Variants in RBFOX1 observed in about 807,000 individuals in gnomAD.
The protein encoded by RBFOX1 is RNA binding protein fox-1 homolog 1.
A neutral mutation model predicts 57.7 loss-of-function variants in RBFOX1; 8 were observed. The observed-to-expected ratio is 0.14, with a 90% CI of 0.08 to 0.25. RBFOX1 has a LOEUF of 0.25. RBFOX1 is among the 10% of genes least tolerant of loss of function. The pLI, the probability that RBFOX1 is intolerant of heterozygous loss-of-function variation, is 1.00. For missense variants in RBFOX1, 611 were observed against 548.5 expected (o/e 1.11, Z -1.14); for synonymous variants, 326 against 222.4 (o/e 1.47, Z -4.15).
chr16:6,879,730 C>G (rs996486923), intron 3 of RBFOX1, among the ~76,000 whole-genome samples: 2 of 152,112 alleles, frequency 1.3e-5, no homozygotes, highest in Non-Finnish European at 2.9e-5. Context: ...TAAATTCTAC[C>G]TCTGGATCCT....
chr16:6,727,982 A>G (rs2067642169), intron 3 of RBFOX1, among the ~76,000 whole-genome samples: 1 of 152,170 alleles, frequency 6.6e-6, no homozygotes, highest in Non-Finnish European at 1.5e-5. Context: ...GTCTCTTTAA[A>G]TTCCCTATCT....
At chr16:5,476,767 C>G (rs192527288) in intron 2 of RBFOX1, among the ~76,000 whole-genome samples, 1 of 152,136 alleles carries the variant, frequency 6.6e-6, no homozygotes, top group African/African-American at 2.4e-5. Flanking sequence ...TTGTGCAGAC[C>G]CTGCCTTTAA....
chr16:7,140,239 A>AT (rs2073379741), intron 4 of RBFOX1, among the ~76,000 whole-genome samples: 1 of 135,552 alleles, frequency 7.4e-6, no homozygotes, highest in African/African-American at 2.8e-5. Context: ...ATGGACAAAT[A>AT]AATTTTGTCC....
At chr16:6,140,256 A>T (rs959777427) in intron 1 of RBFOX1, among the ~76,000 whole-genome samples, 3 of 151,366 alleles carry the variant, frequency 2.0e-5, no homozygotes, top group Non-Finnish European at 2.9e-5. Flanking sequence ...CAGTGACTCA[A>T]TCTTGGCTCA....
intron 4 of RBFOX1, among the ~76,000 whole-genome samples, chr16:7,080,864 A>T (rs187879270): frequency 6.6e-6 from 1 of 152,268 alleles, no homozygotes; most frequent in African/African-American, 2.4e-5. Context: ...CCTCAGGACC[A>T]AGGGAGCCTT....
At chr16:5,259,175 GT>G (rs2062665509) in intron 1 of RBFOX1, among the ~76,000 whole-genome samples, 1 of 149,744 alleles carries the variant, frequency 6.7e-6, no homozygotes, top group Non-Finnish European at 1.5e-5. Context: ...ATATTTATAG[GT>G]TTCTTTTAGT....
chr16:6,108,475 G>C (rs1475896204), intron 1 of RBFOX1, among the ~76,000 whole-genome samples: 5 of 152,104 alleles, frequency 3.3e-5, no homozygotes, highest in Non-Finnish European at 5.9e-5. Context: ...CAGGGTAGGT[G>C]GTGCTGTGCT....
At chr16:5,525,983 C>G (rs1455275181) in intron 2 of RBFOX1, among the ~76,000 whole-genome samples, 2 of 152,046 alleles carry the variant, frequency 1.3e-5, no homozygotes, top group African/African-American at 4.8e-5. Flanking sequence ...GAGAGGGGAG[C>G]TGGTATCAAG....
chr16:6,589,028 A>G (rs1449538045), intron 2 of RBFOX1, among the ~76,000 whole-genome samples: 1 of 152,088 alleles, frequency 6.6e-6, no homozygotes, highest in Non-Finnish European at 1.5e-5. Context: ...TCATTGAGGA[A>G]CCTTTTCAGA....
intron 4 of RBFOX1, among the ~76,000 whole-genome samples, chr16:7,470,166 G>C (rs2061306685): frequency 6.6e-6 from 1 of 152,070 alleles, no homozygotes; most frequent in Admixed American, 6.6e-5. Context: ...TTCTTAATCT[G>C]ACTGTATACC....
intron 2 of RBFOX1, among the ~76,000 whole-genome samples, chr16:6,457,916 G>A (rs1298726908): frequency 6.6e-6 from 1 of 152,062 alleles, no homozygotes; most frequent in East Asian, 1.9e-4. Context: ...GTGAGAAGAA[G>A]CCCAGTGTGC....
chr16:5,521,368 T>TG (rs1172599362), intron 2 of RBFOX1, among the ~76,000 whole-genome samples: 16 of 13,494 alleles, frequency 1.2e-3, no homozygotes, highest in South Asian at 2.8e-3. Flanking sequence ...TGGGGTGGGG[T>TG]GGGGGGGTGG....
chr16:7,297,500 C>G (rs1040167531), intron 4 of RBFOX1, among the ~76,000 whole-genome samples: 3 of 152,162 alleles, frequency 2.0e-5, no homozygotes, highest in Non-Finnish European at 2.9e-5. Context: ...TTACTGAAAT[C>G]CTGTATGGAT....
At chr16:7,623,269 G>C (rs575420792) in intron 10 of RBFOX1, among the ~76,000 whole-genome samples, 1 of 152,252 alleles carries the variant, frequency 6.6e-6, no homozygotes, top group Non-Finnish European at 1.5e-5. Context: ...AGCAGGGATG[G>C]TTTCAGGATG....
intron 4 of RBFOX1, among the ~76,000 whole-genome samples, chr16:7,429,644 C>T (rs898753229): frequency 6.6e-6 from 1 of 152,136 alleles, no homozygotes; most frequent in Non-Finnish European, 1.5e-5. Flanking sequence ...ATGGGAGGAA[C>T]TGATAAAAAC....
intron 2 of RBFOX1, among the ~76,000 whole-genome samples, chr16:6,586,583 C>G (rs944652081): frequency 2.6e-5 from 4 of 152,194 alleles, no homozygotes; most frequent in Non-Finnish European, 5.9e-5. Context: ...TCAAGATGAT[C>G]AGATGATGTT....
At chr16:7,270,896 A>G (rs930197648) in intron 4 of RBFOX1, among the ~76,000 whole-genome samples, 2 of 152,088 alleles carry the variant, frequency 1.3e-5, no homozygotes, top group African/African-American at 4.8e-5. Context: ...CCTTTCTGTC[A>G]TGGAGAATCC....
At chr16:7,119,580 A>T (rs1567331394) in intron 4 of RBFOX1, among the ~76,000 whole-genome samples, 1 of 152,092 alleles carries the variant, frequency 6.6e-6, no homozygotes, top group Non-Finnish European at 1.5e-5. Flanking sequence ...TTCAGAGGAA[A>T]AACAACAACA....
chr16:6,409,509 G>C (rs912312470), intron 2 of RBFOX1, among the ~76,000 whole-genome samples: 29 of 152,184 alleles, frequency 1.9e-4, no homozygotes, highest in African/African-American at 6.0e-4. Context: ...GCCTTTGAGT[G>C]TTAATTACAT....
Sources: gnomAD v4.1 joint callset for allele counts (sites outside exome capture counted in the v4.1 genomes callset) on GRCh38, gnomAD v4.1.1 for gene constraint, MANE v1.5 for transcripts, NCBI Gene and HGNC (gene_info 2026-07-23, HGNC 2026-07-21) for gene names.